ZYG11A: variants seen among roughly 807,000 people sequenced by gnomAD.
ZYG11A encodes the protein protein zyg-11 homolog A.
ZYG11A carries 62 observed loss-of-function variants against 77.2 expected under a neutral mutation model. The observed-to-expected ratio is 0.80, with a 90% CI of 0.65 to 0.99. ZYG11A has a LOEUF of 0.99. Among genes scored for constraint, ZYG11A ranks in the 50% least tolerant of loss-of-function variants. The pLI is 0.00. For missense variants in ZYG11A, 828 were observed against 896.8 expected, an observed-to-expected ratio of 0.92 and a Z score of 0.98; for synonymous variants, 315 against 324.6, an observed-to-expected ratio of 0.97 and a Z score of 0.32.
intron 11 of ZYG11A, among the ~76,000 whole-genome samples, chr1:52,883,959 C>T (rs944804566): frequency 6.6e-5 from 10 of 151,140 alleles, no homozygotes; most frequent in East Asian, 2.0e-4. Context: ...AGCTCACTGC[C>T]GCCTCTGCCT....
At chr1:52,892,215 AAC>A in intron 13 of ZYG11A, among the ~76,000 whole-genome samples, 1 of 144,420 alleles carries the variant, frequency 6.9e-6, no homozygotes, top group Admixed American at 7.1e-5. Context: ...GGGGGTTTTC[AAC>A]ATCATTTAAC....
intron 4 of ZYG11A, among the ~76,000 whole-genome samples, chr1:52,862,202 C>T (rs926456978): frequency 3.3e-5 from 5 of 151,168 alleles, no homozygotes; most frequent in Non-Finnish European, 2.9e-5. Flanking sequence ...GAGCAAGACT[C>T]TGTCTCAAAA....
chr1:52,857,375 A>T lies in ZYG11A; in HGVS notation c.634A>T (p.Ile212Phe). Residue 212 changes from isoleucine (I) to phenylalanine (F), a missense_variant, in exon 3 of 14, where the codon ATC (isoleucine) becomes TTC (phenylalanine). Transcript: ENST00000371528. ...SQLPRLESLD[I>F]SNTLVTDISA... ...GTTACCAAGACTGGAAAGCTTAGAT[A>T]TCTCTAATACTCTAGTCACTGATAT... 6.4e-7 allele frequency: 1 copy of T among 1,551,798 alleles called. No individual in the cohort carries two copies. Among genetic ancestry groups the T allele is most frequent in the Non-Finnish European group, 8.7e-7 (1 of 1,146,998 alleles).
At chr1:52,870,065 C>T (rs1287327029) in intron 8 of ZYG11A, among the ~76,000 whole-genome samples, 5 of 150,766 alleles carry the variant, frequency 3.3e-5, no homozygotes, top group East Asian at 2.0e-4. Flanking sequence ...ACCTCCCAGA[C>T]GGGGTCGCGG....
At chr1:52,854,402 A>G in intron 1 of ZYG11A, 63 bp from the exon 2 acceptor site, 4 of 1,429,152 alleles carry the variant, frequency 2.8e-6, no homozygotes, top group Non-Finnish European at 3.8e-6. Context: ...TGGCATGACC[A>G]GTTTTATGTT....
At chr1:52,858,873 C>T (rs866396008) in intron 3 of ZYG11A, among the ~76,000 whole-genome samples, 5 of 152,178 alleles carry the variant, frequency 3.3e-5, no homozygotes, top group South Asian at 2.1e-4. Context: ...CCTTGGGCTC[C>T]CAAAGTGCTG....
rs140369896 is a variant in ZYG11A, at chr1:52,852,466, G to A, written c.91-1999G>A. On this transcript the variant is annotated intron_variant, in intron 1 of 13. Transcript: ENST00000371528. ...GCACTCTCTGCCTTCTGGGTTCAAG[G>A]GATTCTCCTGCCTCAAGGCTCCTGA... Among the ~76,000 whole-genome samples the A allele has an allele frequency of 2.4e-4, 36 of 150,760 alleles. No homozygotes were observed. The East Asian group carries it at 5.5e-3, about 23-fold the overall frequency.
At chr1:52,868,171 G>A (rs496644) in intron 8 of ZYG11A, among the ~76,000 whole-genome samples, 71,235 of 150,952 alleles carry the variant, frequency 0.47, 18,196 homozygotes, top group Non-Finnish European at 0.59. Flanking sequence ...TCACCATGTT[G>A]GCCAGGCTGG....
In ZYG11A at chr1:52,894,602, TG is replaced by T. The variant is rs1646594772; in HGVS notation, c.*1647del. ...AGGATTAGATTTTTGTGCTTTTGGCTGGCTTGGTTCAGATTCTTAACTAGAG... is the reference window on the plus strand; with the variant it reads ...AGGATTAGATTTTTGTGCTTTTGGCTGCTTGGTTCAGATTCTTAACTAGAG... On this transcript the variant is annotated 3_prime_UTR_variant, in exon 14 of 14. Transcript: ENST00000371528. 1 of 152,230 alleles carries T rather than the reference TG, an allele frequency of 6.6e-6. No individual in the cohort carries two copies. Among genetic ancestry groups the T allele is most frequent in the Non-Finnish European group, 1.5e-5 (1 of 68,030 alleles). The allele number at this position is 152,230 out of a possible 1,614,324, so 9.4% of individuals were successfully genotyped here.
At chr1:52,862,026 T>C (rs1030960335) in intron 4 of ZYG11A, among the ~76,000 whole-genome samples, 29 of 151,946 alleles carry the variant, frequency 1.9e-4, no homozygotes, top group Admixed American at 1.8e-3. Flanking sequence ...CTGGCCAACA[T>C]GGTAGAACCC....
At chr1:52,867,449 A>G (rs2150005229) in intron 6 of ZYG11A, 90 bp from the exon 7 acceptor site, 2 of 857,990 alleles carry the variant, frequency 2.3e-6, no homozygotes, top group Non-Finnish European at 3.7e-6. Context: ...TTTTCATTAT[A>G]GGATTACTTG....
Position 52,885,822 on chromosome 1 carries a change from T to A in ZYG11A, c.1945-11T>A. On this transcript the variant is annotated splice_polypyrimidine_tract_variant and intron_variant, in intron 11 of 13. Coordinates refer to ENST00000371528, the MANE Select transcript of ZYG11A (RefSeq NM_001004339.3). The stretch of plus-strand genomic sequence containing the variant: ...TCAAATGTTGGTTTCTCTCTCTTGT[T>A]TTTGGAGTAGCATGCAACCATACAG... 6.5e-7 allele frequency: 1 copy of A among 1,532,562 alleles called. No homozygotes were observed. The highest frequency in any genetic ancestry group is 2.1e-5 in the Admixed American group (1 of 46,566). The allele number at this position is 1,532,562 out of a possible 1,614,324, so 94.9% of individuals were successfully genotyped here.
intron 2 of ZYG11A, among the ~76,000 whole-genome samples, chr1:52,856,723 A>G (rs924239669): frequency 1.3e-5 from 2 of 151,556 alleles, no homozygotes; most frequent in Non-Finnish European, 2.9e-5. Context: ...TTGACTCCTG[A>G]TTCTGATGGT....
intron 12 of ZYG11A, among the ~76,000 whole-genome samples, chr1:52,886,530 T>C (rs1646454105): frequency 6.6e-6 from 1 of 151,998 alleles, no homozygotes; most frequent in Non-Finnish European, 1.5e-5. Context: ...GAAAATTCTT[T>C]TTTTTTCAAC....
Position 52,893,136 on chromosome 1 carries a change from G to A in ZYG11A, c.*179G>A, listed in dbSNP as rs530388326. On this transcript the variant is annotated 3_prime_UTR_variant, in exon 14 of 14. Transcript: ENST00000371528. ...TATGATAGCTGTAATCCCAAGTCAA[G>A]TTGGACTCATTCTGCAGCCTTTCAG... is the stretch of plus-strand genomic sequence containing the variant. 1.7e-4 allele frequency: 102 copies of A among 596,442 alleles called. No individual in the cohort carries two copies. In the African/African-American group the frequency reaches 1.8e-3, roughly 10 times the overall value. 36.9% of individuals were successfully genotyped at this position (596,442 alleles called of 1,614,324 possible).
chr1:52,854,663 G>A, intron 2 of ZYG11A, 33 bp downstream of exon 2: 1 of 1,475,450 alleles, frequency 6.8e-7, no homozygotes, highest in South Asian at 1.4e-5. Context: ...GTCAGCTCTT[G>A]CAGTACTTTA....
intron 3 of ZYG11A, among the ~76,000 whole-genome samples, chr1:52,859,161 C>A (rs1041291492): frequency 6.6e-6 from 1 of 151,728 alleles, no homozygotes; most frequent in Non-Finnish European, 1.5e-5. Context: ...CTGCTGTGAG[C>A]TGAGATCCCC....
intron 1 of ZYG11A, among the ~76,000 whole-genome samples, chr1:52,849,915 A>C (rs1023755120): frequency 6.9e-6 from 1 of 145,750 alleles, no homozygotes; most frequent in Admixed American, 6.9e-5. Flanking sequence ...CCATCTGCCG[A>C]CCTCGTGATC....
At chr1:52,883,622 T>G (rs1646398066) in intron 11 of ZYG11A, among the ~76,000 whole-genome samples, 1 of 151,914 alleles carries the variant, frequency 6.6e-6, no homozygotes, top group Non-Finnish European at 1.5e-5. Context: ...TGACAGGGTT[T>G]CACCATGTTG....
Sources: gnomAD v4.1 joint callset for allele counts (sites outside exome capture counted in the v4.1 genomes callset) on GRCh38, gnomAD v4.1.1 for gene constraint, MANE v1.5 for transcripts, NCBI Gene and HGNC (gene_info 2026-07-23, HGNC 2026-07-21) for gene names.